The following TAS2R1 variants were observed in gnomAD, a reference collection of about 807,000 sequenced individuals.
TAS2R1 encodes the protein taste 2 receptor member 1.
For synonymous variants in TAS2R1, 141 were observed against 134.2 expected (o/e 1.05, Z -0.35); for missense variants, 370 against 353.4 (o/e 1.05, Z -0.38).
rs116183892 is a variant in TAS2R1, at chr5:9,692,188, G to T, written c.-242+19984C>A. 6.2e-4 allele frequency among the ~76,000 whole-genome samples: 94 copies of T among 152,272 alleles called. 1 individual carries two copies. The highest frequency in any genetic ancestry group is 3.4e-3 in the Middle Eastern group (1 of 294). Reference sequence around the variant, plus strand: ...AAGGACATCTGCACTCTACGTGCTTGTCAGAGCGCATCTGCAGCTCAGCAC... The same window carrying T: ...AAGGACATCTGCACTCTACGTGCTTTTCAGAGCGCATCTGCAGCTCAGCAC... On this transcript the variant is annotated intron_variant, in intron 1 of 2. Coordinates refer to the TAS2R1 transcript ENST00000506620.
At chr5:9,724,344 C>CTTTTTTT in the TAS2R1 span, among the ~76,000 whole-genome samples, 1 of 124,676 alleles carries the variant, frequency 8.0e-6, no homozygotes, top group African/African-American at 2.8e-5. Context: ...ATGTTTCTTT[C>CTTTTTTT]TTTTTTTTTT....
the TAS2R1 span, among the ~76,000 whole-genome samples, chr5:9,747,457 G>A: frequency 6.6e-6 from 1 of 152,130 alleles, no homozygotes; most frequent in Non-Finnish European, 1.5e-5. Flanking sequence ...ATGGGAGGGG[G>A]AACTGGCATG....
the TAS2R1 span, among the ~76,000 whole-genome samples, chr5:9,784,782 C>T: frequency 5.9e-5 from 9 of 152,188 alleles, no homozygotes; most frequent in African/African-American, 2.2e-4. Context: ...GGCAGCATCA[C>T]TCGAAGCCCT....
chr5:9,636,029 A>T (rs1230704045), intron 2 of TAS2R1, among the ~76,000 whole-genome samples: 1 of 151,546 alleles, frequency 6.6e-6, no homozygotes, highest in Admixed American at 6.6e-5. Context: ...ATGACCTTAG[A>T]TTATTTATTT....
chr5:9,870,388 T>TCAGAG, the TAS2R1 span, among the ~76,000 whole-genome samples: 1 of 152,200 alleles, frequency 6.6e-6, no homozygotes, highest in Non-Finnish European at 1.5e-5. Context: ...GTGCTTTGTT[T>TCAGAG]CAGAGCACCT....
chr5:9,900,618 GTTTT>G, the TAS2R1 span, among the ~76,000 whole-genome samples: 3 of 119,956 alleles, frequency 2.5e-5, no homozygotes, highest in Non-Finnish European at 3.3e-5. Context: ...TGCTCAAATG[GTTTT>G]TTTTTTTTTT....
At chr5:9,645,811 A>C (rs191293721) in intron 2 of TAS2R1, among the ~76,000 whole-genome samples, 366 of 152,286 alleles carry the variant, frequency 2.4e-3, no homozygotes, top group Non-Finnish European at 3.7e-3. Flanking sequence ...TTCCATCCAG[A>C]GGACAAAAGT....
chr5:9,678,615 G>T (rs146951412), intron 1 of TAS2R1, among the ~76,000 whole-genome samples: 2 of 152,274 alleles, frequency 1.3e-5, no homozygotes, highest in African/African-American at 4.8e-5. Context: ...AAAGCAATGA[G>T]ATTATGTCCT....
At chr5:9,707,276 T>G (rs1049634390) in intron 1 of TAS2R1, among the ~76,000 whole-genome samples, 1 of 151,994 alleles carries the variant, frequency 6.6e-6, no homozygotes, top group Non-Finnish European at 1.5e-5. Context: ...TCCTGCAGAC[T>G]CCCAACTCCC....
chr5:9,779,129 T>C, the TAS2R1 span, among the ~76,000 whole-genome samples: 1 of 152,242 alleles, frequency 6.6e-6, no homozygotes, highest in African/African-American at 2.4e-5. Flanking sequence ...GGTGCCGTCC[T>C]CGCAGTAATG....
chr5:9,726,913 C>T, the TAS2R1 span, among the ~76,000 whole-genome samples: 2 of 152,240 alleles, frequency 1.3e-5, no homozygotes, highest in African/African-American at 2.4e-5. Flanking sequence ...TGTTTTCACA[C>T]TGGTTTACCT....
the TAS2R1 span, among the ~76,000 whole-genome samples, chr5:9,727,793 G>A: frequency 2.0e-5 from 3 of 152,170 alleles, no homozygotes; most frequent in Non-Finnish European, 4.4e-5. Flanking sequence ...CTTGCTTGAG[G>A]GCCCAAGGCA....
At chr5:9,777,790 G>A in the TAS2R1 span, among the ~76,000 whole-genome samples, 1 of 152,048 alleles carries the variant, frequency 6.6e-6, no homozygotes, top group Non-Finnish European at 1.5e-5. Flanking sequence ...TCCATGGGCT[G>A]CAGATTGATG....
the TAS2R1 span, among the ~76,000 whole-genome samples, chr5:9,890,311 T>C: frequency 3.3e-5 from 5 of 152,178 alleles, no homozygotes. Context: ...ACTTCGTCAA[T>C]ATGTCCACCC....
Position 9,629,999 on chromosome 5 carries a change from G to A in TAS2R1, c.34C>T (p.Leu12Phe), listed in dbSNP as rs960349432. The A allele has an allele frequency of 1.9e-6, 3 of 1,586,142 alleles. No homozygotes were observed. Among genetic ancestry groups the A allele is most frequent in the Non-Finnish European group, 2.6e-6 (3 of 1,170,036 alleles). ...LESHLIIYFL[L>F]AVIQFLLGIF... Reference sequence around the variant, plus strand: ...CCAAGAAGAAATTGTATCACTGCAAGAAGAAAATAGATAATGAGGTGAGAC... The same window carrying A: ...CCAAGAAGAAATTGTATCACTGCAAAAAGAAAATAGATAATGAGGTGAGAC... Residue 12 changes from leucine (L) to phenylalanine (F), a missense_variant, in exon 1 of 1, where the codon CTT becomes TTT. By Grantham distance (22) the Leu-to-Phe change is conservative. Coordinates refer to ENST00000382492, the MANE Select transcript of TAS2R1 (RefSeq NM_019599.3).
the TAS2R1 span, among the ~76,000 whole-genome samples, chr5:9,804,922 A>T: frequency 6.6e-6 from 1 of 152,084 alleles, no homozygotes; most frequent in Non-Finnish European, 1.5e-5. Context: ...TTGAAACAAA[A>T]GAAAACAATG....
the TAS2R1 span, among the ~76,000 whole-genome samples, chr5:9,836,065 C>T: frequency 6.6e-6 from 1 of 152,134 alleles, no homozygotes; most frequent in Non-Finnish European, 1.5e-5. Context: ...CTTTCCCATG[C>T]TGTTCTCGTG....
At chr5:9,860,277 AATGACACCAGCGC>A in the TAS2R1 span, among the ~76,000 whole-genome samples, 23 of 152,254 alleles carry the variant, frequency 1.5e-4, no homozygotes, top group Admixed American at 7.8e-4. Flanking sequence ...CTCTGCTAGG[AATGACACCAGCGC>A]ATCACAATAC....
the TAS2R1 span, among the ~76,000 whole-genome samples, chr5:9,885,684 A>C: frequency 6.6e-6 from 1 of 152,218 alleles, no homozygotes; most frequent in African/African-American, 2.4e-5. Flanking sequence ...CCTTTAAAAG[A>C]ATGAGTTAAT....
Sources: gnomAD v4.1 joint callset for allele counts (sites outside exome capture counted in the v4.1 genomes callset) on GRCh38, gnomAD v4.1.1 for gene constraint, MANE v1.5 for transcripts, NCBI Gene and HGNC (gene_info 2026-07-23, HGNC 2026-07-21) for gene names.